Variants in TFB2M observed in about 807,000 individuals in gnomAD.
TFB2M encodes transcription factor B2, mitochondrial, also known as dimethyladenosine transferase 2, mitochondrial.
In TFB2M, 44 loss-of-function variants were observed where a neutral mutation model predicts 41.3. The observed-to-expected ratio is 1.07, with a 90% CI of 0.84 to 1.37. The LOEUF (loss-of-function observed/expected upper bound fraction) is 1.37. Among genes scored for constraint, TFB2M ranks in the 40% most tolerant of loss-of-function variants. The pLI is 0.00. For missense variants in TFB2M, 496 were observed against 490.2 expected (o/e 1.01, Z -0.11); for synonymous variants, 188 against 176.8 (o/e 1.06, Z -0.50).
At position 246,565,850 on chromosome 1, in the gene TFB2M, G is replaced by C; in HGVS notation, c.289C>G (p.His97Asp). The C allele has an allele frequency of 6.2e-7, 1 of 1,606,524 alleles. No individual in the cohort carries two copies. Among genetic ancestry groups the C allele is most frequent in the Non-Finnish European group, 8.5e-7 (1 of 1,173,410 alleles). The change falls in exon 1 of 8, where the codon CAC becomes GAC. Residue 97 changes from histidine (H) to aspartate (D), a missense_variant. Transcript: ENST00000366514. The part of the protein sequence containing the change: ...IYLGKPSRPP[H>D]LLLECNPGPG... ...CCTGGATTGCACTCCAGCAGTAGGT[G>C]TGGAGGTCTACTTGGTTTTCCCAAA...
Position 246,564,294 on chromosome 1 carries a change from C to T in TFB2M, c.402+52G>A, listed in dbSNP as rs368494695. On this transcript the variant is annotated intron_variant, in intron 2 of 7. Transcript: ENST00000366514. ...TGCTTAATTCCATTTCCTTAAACCACTCACAGATAGTTGAACAAACAATAA... is the reference window on the plus strand; with the variant it reads ...TGCTTAATTCCATTTCCTTAAACCATTCACAGATAGTTGAACAAACAATAA... 47 of 1,517,302 alleles carry T rather than the reference C, an allele frequency of 3.1e-5. No homozygotes were observed. The African/African-American group carries it at 5.5e-4, about 18-fold the overall frequency. 94.0% of individuals were successfully genotyped at this position (1,517,302 alleles called of 1,614,324 possible).
At chr1:246,555,517 A>G (rs1418006092) in intron 4 of TFB2M, among the ~76,000 whole-genome samples, 1 of 152,108 alleles carries the variant, frequency 6.6e-6, no homozygotes, top group Admixed American at 6.6e-5. Context: ...GGTTGCAGAG[A>G]GCTGTGATCA....
chr1:246,547,272 AC>A (rs1019235648), intron 6 of TFB2M, among the ~76,000 whole-genome samples: 4 of 152,084 alleles, frequency 2.6e-5, no homozygotes, highest in African/African-American at 9.7e-5. Flanking sequence ...GTGAGCCACC[AC>A]GTCCGGCCAA....
At position 246,562,261 on chromosome 1, in the gene TFB2M, G is replaced by A. The variant is rs368979171; in HGVS notation, c.402+2085C>T. Among the ~76,000 whole-genome samples the A allele has an allele frequency of 1.1e-4, 16 of 152,286 alleles. No homozygotes were observed. In the East Asian group the frequency reaches 2.9e-3, roughly 27 times the overall value. On this transcript the variant is annotated intron_variant, in intron 2 of 7. Transcript: ENST00000366514. ...GCATAGAGAAATATAAGTTTCCTAA[G>A]TTGAAACGGAAGATTATAAAAGAGG...
intron 4 of TFB2M, among the ~76,000 whole-genome samples, chr1:246,554,013 C>T (rs558200716): frequency 2.0e-5 from 3 of 152,262 alleles, no homozygotes; most frequent in African/African-American, 2.4e-5. Flanking sequence ...CAATAGAATA[C>T]AATAGAGCCC....
intron 7 of TFB2M, among the ~76,000 whole-genome samples, chr1:246,541,483 A>T (rs1349730032): frequency 6.6e-6 from 1 of 152,170 alleles, no homozygotes; most frequent in Non-Finnish European, 1.5e-5. Context: ...AAACCAAAAA[A>T]ATCACTTGTA....
At chr1:246,557,562 A>G in intron 2 of TFB2M, 28 bp from the exon 3 acceptor site, 1 of 1,540,606 alleles carries the variant, frequency 6.5e-7, no homozygotes, top group Non-Finnish European at 8.7e-7. Flanking sequence ...TAACACGTTA[A>G]AAATTTTCAG....
At chr1:246,560,027 C>A (rs935184096) in intron 2 of TFB2M, among the ~76,000 whole-genome samples, 1 of 152,034 alleles carries the variant, frequency 6.6e-6, no homozygotes, top group African/African-American at 2.4e-5. Flanking sequence ...CAGCCCAGGA[C>A]GGCTTTGAAT....
At chr1:246,560,385 T>G (rs576981159) in intron 2 of TFB2M, among the ~76,000 whole-genome samples, 1 of 152,170 alleles carries the variant, frequency 6.6e-6, no homozygotes, top group South Asian at 2.1e-4. Flanking sequence ...CAGCCAGGTG[T>G]GGGGGCGTGT....
intron 4 of TFB2M, among the ~76,000 whole-genome samples, chr1:246,555,632 T>G (rs1659301044): frequency 6.6e-6 from 1 of 152,050 alleles, no homozygotes; most frequent in South Asian, 2.1e-4. Context: ...AAAATAGAAT[T>G]ACTATATGAT....
chr1:246,556,818 T>A, intron 3 of TFB2M, 97 bp from the exon 4 acceptor site: 2 of 998,858 alleles, frequency 2.0e-6, no homozygotes, highest in Non-Finnish European at 2.9e-6. Flanking sequence ...CAAACTATAT[T>A]AATTTCAAGT....
chr1:246,550,614 T>G (rs1659148999), intron 5 of TFB2M, among the ~76,000 whole-genome samples: 1 of 152,320 alleles, frequency 6.6e-6, no homozygotes, highest in African/African-American at 2.4e-5. Flanking sequence ...CCAGGCGCAG[T>G]GGCTCACGCC....
chr1:246,556,298 C>T (rs541293576), intron 4 of TFB2M, among the ~76,000 whole-genome samples: 17 of 152,154 alleles, frequency 1.1e-4, no homozygotes, highest in Admixed American at 6.5e-4. Flanking sequence ...AAGAGGGAAA[C>T]GAGAGTTTGT....
intron 2 of TFB2M, among the ~76,000 whole-genome samples, chr1:246,563,701 C>T (rs1220204816): frequency 6.6e-6 from 1 of 151,858 alleles, no homozygotes; most frequent in Non-Finnish European, 1.5e-5. Context: ...TCTGATGGTC[C>T]AATGTACACA....
At chr1:246,541,484 AT>A (rs1163104018) in intron 7 of TFB2M, among the ~76,000 whole-genome samples, 1 of 151,322 alleles carries the variant, frequency 6.6e-6, no homozygotes, top group Non-Finnish European at 1.5e-5. Context: ...AACCAAAAAA[AT>A]CACTTGTATT....
intron 6 of TFB2M, 99 bp downstream of exon 6, chr1:246,548,446 T>C: frequency 1.0e-6 from 1 of 984,874 alleles, no homozygotes; most frequent in African/African-American, 1.7e-5. Flanking sequence ...TATTTTAAAA[T>C]TAAAAAGTTA....
rs768696769 is a variant in TFB2M at position 246,566,182 on chromosome 1, T to C, written c.-44A>G. The C allele has an allele frequency of 1.2e-5, 19 of 1,570,174 alleles. No homozygotes were observed. In the Admixed American group the frequency reaches 3.2e-4, roughly 26 times the overall value. On this transcript the variant is annotated 5_prime_UTR_variant, in exon 1 of 8. Transcript: ENST00000366514. ...CGCTCCAAGAATCACCTAGTGCAGC[T>C]ACTACAGTGAACCCCACGCAGGGTA...
chr1:246,561,612 C>T (rs1346512502), intron 2 of TFB2M, among the ~76,000 whole-genome samples: 1 of 152,148 alleles, frequency 6.6e-6, no homozygotes. Flanking sequence ...GGATTACAGG[C>T]ATGAACCACC....
intron 2 of TFB2M, among the ~76,000 whole-genome samples, chr1:246,561,682 T>A (rs1469365566): frequency 6.6e-6 from 1 of 152,224 alleles, no homozygotes; most frequent in Admixed American, 6.5e-5. Context: ...TTGGCCAGGC[T>A]GGTCTTGAAC....
Sources: allele counts gnomAD v4.1 joint callset (sites outside exome capture counted in the v4.1 genomes callset), GRCh38; gene constraint gnomAD v4.1.1; transcripts MANE v1.5; gene names NCBI Gene and HGNC (gene_info 2026-07-23, HGNC 2026-07-21).